Variants in IDE observed in about 807,000 individuals in gnomAD.
The protein encoded by IDE is insulin-degrading enzyme.
A neutral mutation model predicts 133.2 loss-of-function variants in IDE; 58 were observed. The ratio of observed to expected loss-of-function variants is 0.44; its 90% CI spans 0.35 to 0.54. The LOEUF is 0.54. Among genes scored for constraint, IDE ranks in the 20% least tolerant of loss-of-function variants. IDE has a pLI of 0.00. For missense variants in IDE, 981 were observed against 1,234.0 expected (o/e 0.79, Z 3.07); for synonymous variants, 396 against 421.3 (o/e 0.94, Z 0.73).
intron 19 of IDE, among the ~76,000 whole-genome samples, chr10:92,467,154 A>G (rs1482418650): frequency 6.6e-6 from 1 of 151,876 alleles, no homozygotes; most frequent in Non-Finnish European, 1.5e-5. Flanking sequence ...GGCTCATTGC[A>G]GCCTCAACCT....
intron 1 of IDE, among the ~76,000 whole-genome samples, chr10:92,537,794 G>A (rs556593682): frequency 6.6e-6 from 1 of 152,280 alleles, no homozygotes; most frequent in African/African-American, 2.4e-5. Flanking sequence ...CATGGATAGG[G>A]ATTTGAGATA....
At chr10:92,572,428 A>T (rs1192385227) in intron 1 of IDE, among the ~76,000 whole-genome samples, 1 of 152,202 alleles carries the variant, frequency 6.6e-6, no homozygotes, top group Non-Finnish European at 1.5e-5. Context: ...CTTCATTTGT[A>T]TTAGCTTATC....
At chr10:92,469,732 G>C (rs1845868507) in intron 18 of IDE, among the ~76,000 whole-genome samples, 1 of 152,160 alleles carries the variant, frequency 6.6e-6, no homozygotes, top group Non-Finnish European at 1.5e-5. Context: ...GAGGGATCTT[G>C]AGACAGACTG....
intron 1 of IDE, among the ~76,000 whole-genome samples, chr10:92,538,475 T>C (rs945805391): frequency 3.2e-4 from 48 of 152,280 alleles, no homozygotes; most frequent in African/African-American, 9.6e-4. Context: ...AAACAAAAAG[T>C]TGGAAGGACC....
intron 19 of IDE, 103 bp downstream of exon 19, chr10:92,468,776 G>A: frequency 1.7e-6 from 1 of 605,368 alleles, no homozygotes; most frequent in South Asian, 2.5e-5. Context: ...AGGTTCCCAA[G>A]TAAATCTTTG....
rs370701472 is a variant in IDE at position 92,457,385 on chromosome 10, C to A, written c.2824-954G>T. 3.3e-5 allele frequency among the ~76,000 whole-genome samples: 5 copies of A among 152,266 alleles called. No individual in the cohort carries two copies. The South Asian group carries it at 8.3e-4, about 25-fold the overall frequency. On this transcript the variant is annotated intron_variant, in intron 22 of 24. Transcript: ENST00000265986. ...ATCATGATGATTCTTACTTTAGAGGCATGGACTCTAAGACACAGCAGCTTA... is the reference window on the plus strand; with the variant it reads ...ATCATGATGATTCTTACTTTAGAGGAATGGACTCTAAGACACAGCAGCTTA...
At chr10:92,509,983 A>G (rs1848499146) in intron 6 of IDE, 67 bp downstream of exon 6, 14 of 709,574 alleles carry the variant, frequency 2.0e-5, no homozygotes, top group South Asian at 1.5e-4. Flanking sequence ...CACCTGTTCT[A>G]TGGTAAACTA....
At chr10:92,550,627 G>C (rs553249825) in intron 1 of IDE, among the ~76,000 whole-genome samples, 1 of 143,502 alleles carries the variant, frequency 7.0e-6, no homozygotes, top group South Asian at 2.3e-4. Flanking sequence ...CTCCAGCCTG[G>C]GCAACAGAGC....
At chr10:92,496,246 T>C (rs1428979451) in intron 11 of IDE, among the ~76,000 whole-genome samples, 1 of 152,210 alleles carries the variant, frequency 6.6e-6, no homozygotes, top group Non-Finnish European at 1.5e-5. Context: ...CAGTCAACTT[T>C]TACTGAGTTC....
At chr10:92,548,426 CAG>C (rs1329869802) in intron 1 of IDE, among the ~76,000 whole-genome samples, 1 of 135,396 alleles carries the variant, frequency 7.4e-6, no homozygotes, top group East Asian at 2.3e-4. Context: ...ATTAAATTGA[CAG>C]GGGCACCTAT....
chr10:92,508,585 G>A (rs1848426744), intron 7 of IDE, 143 bp downstream of exon 7: 5 of 596,656 alleles, frequency 8.4e-6, no homozygotes, highest in East Asian at 5.5e-5. Context: ...AGGCAACAGC[G>A]TGCCAACAAC....
At chr10:92,550,247 G>T (rs1842717697) in intron 1 of IDE, among the ~76,000 whole-genome samples, 1 of 152,030 alleles carries the variant, frequency 6.6e-6, no homozygotes, top group South Asian at 2.1e-4. Flanking sequence ...GCAACCTGTG[G>T]AGTGGGAAAA....
intron 12 of IDE, among the ~76,000 whole-genome samples, chr10:92,487,532 A>G (rs1296366236): frequency 2.0e-5 from 3 of 152,184 alleles, no homozygotes; most frequent in African/African-American, 4.8e-5. Context: ...TTGCACTCAT[A>G]TATCTACTCT....
chr10:92,506,251 A>G (rs1848289301), intron 10 of IDE, among the ~76,000 whole-genome samples, 191 bp downstream of exon 10: 1 of 151,134 alleles, frequency 6.6e-6, no homozygotes, highest in African/African-American at 2.4e-5. Flanking sequence ...TATTACATAA[A>G]ATAAATTTCA....
chr10:92,487,211 G>A lies in IDE; in HGVS notation c.1641C>T (p.Tyr547=). The A allele has an allele frequency of 7.4e-6, 12 of 1,613,266 alleles. No individual in the cohort carries two copies. The highest frequency in any genetic ancestry group is 1.0e-5 in the Non-Finnish European group (12 of 1,179,664). The part of the protein sequence containing the change: ...ILPLEKEATP[Y]PALIKDTAMS... ...AACACATTACCTTAATAAGAGCAGG[G>A]TATGGTGTCGCCTCTTTTTCTAACG... Residue 547 remains tyrosine (Y), a synonymous_variant, in exon 13 of 25, where the codon TAC becomes TAT. Coordinates refer to ENST00000265986, the MANE Select transcript of IDE (RefSeq NM_004969.4).
chr10:92,530,635 T>C (rs1478424303), intron 4 of IDE, among the ~76,000 whole-genome samples: 2 of 152,238 alleles, frequency 1.3e-5, no homozygotes, highest in Admixed American at 1.3e-4. Flanking sequence ...ATACCATGTA[T>C]ACTGATGTTC....
At position 92,556,468 on chromosome 10, in the gene IDE, C is replaced by T. The variant is rs184563569; in HGVS notation, c.98+17454G>A. On this transcript the variant is annotated intron_variant, in intron 1 of 24. Coordinates refer to ENST00000265986, the MANE Select transcript of IDE (RefSeq NM_004969.4). ...TGAAACCCTGTCTCTACAAAAAATA[C>T]GAAAATCAGGCTGGGTGCAGTGGCT... 9.9e-5 allele frequency among the ~76,000 whole-genome samples: 15 copies of T among 151,616 alleles called. No individual in the cohort carries two copies. The East Asian group carries it at 2.9e-3, about 30-fold the overall frequency.
At chr10:92,562,238 C>T (rs1165917340) in intron 1 of IDE, among the ~76,000 whole-genome samples, 2 of 152,184 alleles carry the variant, frequency 1.3e-5, no homozygotes, top group African/African-American at 4.8e-5. Context: ...CTACAGTGAC[C>T]TCATTTATAG....
chr10:92,489,698 A>G (rs145609179), intron 12 of IDE, among the ~76,000 whole-genome samples: 32 of 152,302 alleles, frequency 2.1e-4, no homozygotes, highest in African/African-American at 7.5e-4. Flanking sequence ...GAGGGCTTCA[A>G]TGATCTTCTG....
Sources: gnomAD v4.1 joint callset for allele counts (sites outside exome capture counted in the v4.1 genomes callset) on GRCh38, gnomAD v4.1.1 for gene constraint, MANE v1.5 for transcripts, NCBI Gene and HGNC (gene_info 2026-07-23, HGNC 2026-07-21) for gene names.